AK9: variants seen among roughly 807,000 people sequenced by gnomAD.
The protein encoded by AK9 is adenylate kinase 9, also known as adenylate kinase domain containing 1.
AK9 carries 191 observed loss-of-function variants against 239.6 expected under a neutral mutation model. That is an observed-to-expected ratio of 0.80 (90% CI 0.71 to 0.90). The LOEUF is 0.90. AK9 is among the 40% of genes least tolerant of loss of function. AK9 has a pLI of 0.00. For missense variants in AK9, 1,995 were observed against 2,214.7 expected (o/e 0.90, Z 1.99); for synonymous variants, 689 against 721.0 (o/e 0.96, Z 0.71).
chr6:109,611,325 C>T (rs1318145936), intron 16 of AK9, among the ~76,000 whole-genome samples: 1 of 152,162 alleles, frequency 6.6e-6, no homozygotes, highest in Non-Finnish European at 1.5e-5. Flanking sequence ...AAGTCAAGAA[C>T]CCATGATCTT....
In AK9 at chr6:109,550,277, T is replaced by C. The variant is rs1246759157; in HGVS notation, c.2777A>G (p.Lys926Arg). The C allele has an allele frequency of 6.2e-6, 10 of 1,611,422 alleles. No individual in the cohort carries two copies. The highest frequency in any genetic ancestry group is 8.5e-6 in the Non-Finnish European group (10 of 1,179,954). Residue 926 changes from lysine to arginine, a missense_variant, in exon 25 of 41, where the codon AAG becomes AGG. Physicochemically the swap from Lys to Arg is conservative, Grantham distance 26. Coordinates refer to ENST00000424296, the MANE Select transcript of AK9 (RefSeq NM_001145128.3). ...EEGEDKMKER[K>R]RHLGDTKHFC... is the part of the protein sequence containing the mutation. ...GTGTTTTGTGTCTCCCAAATGCCTC[T>C]TTCTCTCCTTCATTTTATCTTCACC...
chr6:109,610,407 T>C lies in AK9; in HGVS notation c.1800A>G (p.Pro600=). The C allele has an allele frequency of 3.2e-6, 5 of 1,551,768 alleles. No individual in the cohort carries two copies. The highest frequency in any genetic ancestry group is 1.2e-5 in the South Asian group (1 of 84,056). The change falls in exon 17 of 41, where the codon CCA becomes CCG. Residue 600 remains proline, a synonymous_variant. Transcript: ENST00000424296. ...KMSQDINFEQ[P]YEKHAEILQE... is the part of the protein sequence containing the mutation. ...GTAAGATTTCAGCATGTTTTTCATA[T>C]GGCTGTTCAAAGTTTATATCCTGTG... is the stretch of plus-strand genomic sequence containing the variant.
Position 109,549,917 on chromosome 6 carries a change from G to A in AK9, c.2964+173C>T, listed in dbSNP as rs560876328. 2.5e-4 allele frequency: 145 copies of A among 572,182 alleles called. No individual in the cohort carries two copies. In the African/African-American group the frequency reaches 2.7e-3, roughly 11 times the overall value. The allele number at this position is 572,182 out of a possible 1,614,324, so 35.4% of individuals were successfully genotyped here. On this transcript the variant is annotated intron_variant, in intron 25 of 40. Coordinates refer to ENST00000424296, the MANE Select transcript of AK9 (RefSeq NM_001145128.3). ...CTGACCTCGTGATCCGCCCGTCTCG[G>A]CCTCCCAAAGTGCTGGGATTACAGG...
chr6:109,495,262 A>G, intron 39 of AK9, 76 bp downstream of exon 39: 2 of 1,190,496 alleles, frequency 1.7e-6, no homozygotes, highest in South Asian at 3.3e-5. Context: ...ATTGTTCCCA[A>G]AATGAAAATT....
In AK9 at chr6:109,525,438, T is replaced by A. The variant is rs189965043; in HGVS notation, c.3633+3573A>T. The stretch of plus-strand genomic sequence containing the variant: ...TACAACATAAGTCTAATATCCAGAA[T>A]CTATAAGGAACTTAAACAAATCAAC... On this transcript the variant is annotated intron_variant, in intron 29 of 40. Coordinates refer to ENST00000424296, the MANE Select transcript of AK9 (RefSeq NM_001145128.3). 2.6e-4 allele frequency among the ~76,000 whole-genome samples: 40 copies of A among 152,144 alleles called. No individual in the cohort carries two copies. The East Asian group carries it at 6.2e-3, about 24-fold the overall frequency.
intron 5 of AK9, among the ~76,000 whole-genome samples, chr6:109,669,192 T>C (rs953741579): frequency 8.0e-5 from 12 of 150,278 alleles, no homozygotes; most frequent in Middle Eastern, 6.8e-3. Context: ...ATTTGGCTGT[T>C]TGTTATTGGT....
chr6:109,652,849 C>G (rs1396944006), intron 8 of AK9, among the ~76,000 whole-genome samples: 2 of 152,082 alleles, frequency 1.3e-5, no homozygotes, highest in African/African-American at 4.8e-5. Context: ...TATATGCACA[C>G]ATATAAATGT....
At chr6:109,630,885 A>C (rs764564228) in intron 12 of AK9, among the ~76,000 whole-genome samples, 2 of 152,108 alleles carry the variant, frequency 1.3e-5, no homozygotes, top group Admixed American at 6.6e-5. Context: ...ACTGAGCCCC[A>C]AAAGAGACAC....
At chr6:109,600,016 T>C (rs1214835438) in intron 17 of AK9, among the ~76,000 whole-genome samples, 2 of 152,226 alleles carry the variant, frequency 1.3e-5, no homozygotes, top group African/African-American at 4.8e-5. Context: ...AATCATGTCA[T>C]CCACAAACAG....
At position 109,497,808 on chromosome 6, in the gene AK9, T is replaced by C. The variant is rs540758676; in HGVS notation, c.5204A>G (p.Asp1735Gly). Residue 1735 changes from aspartate to glycine, a missense_variant, in exon 37 of 41, where the codon GAT becomes GGT. Around this residue, in one of 5 missense-constraint regions of AK9, gnomAD observed 391 missense variants for 456.0 expected, o/e 0.86. Transcript: ENST00000424296. ...GGCCAGGACTTGCCTTTGGTTTCCA[T>C]CCTTATAGGTCACTGGACAGTAGCC... is the stretch of plus-strand genomic sequence containing the variant. ...LQGYCPVTYK[D>G]GNQRYEALVP... 6.2e-7 allele frequency: 1 copy of C among 1,612,880 alleles called. No individual in the cohort carries two copies. The highest frequency in any genetic ancestry group is 1.1e-5 in the South Asian group (1 of 91,034).
chr6:109,661,716 G>A (rs553633992), intron 6 of AK9, among the ~76,000 whole-genome samples: 10 of 152,120 alleles, frequency 6.6e-5, no homozygotes, highest in Non-Finnish European at 1.3e-4. Flanking sequence ...CACTCCACTG[G>A]GTCCCAGCAT....
intron 17 of AK9, among the ~76,000 whole-genome samples, chr6:109,608,049 A>C (rs181519323): frequency 6.6e-6 from 1 of 151,934 alleles, no homozygotes; most frequent in African/African-American, 2.4e-5. Context: ...GCCAAGGCAG[A>C]TAGATCACTT....
chr6:109,539,806 A>C (rs527673296), intron 27 of AK9, among the ~76,000 whole-genome samples: 8 of 152,174 alleles, frequency 5.3e-5, no homozygotes, highest in Non-Finnish European at 8.8e-5. Context: ...TCTGTTTGTT[A>C]GTTTTCCTTT....
intron 2 of AK9, among the ~76,000 whole-genome samples, chr6:109,674,496 A>G (rs1443838731): frequency 6.6e-6 from 1 of 152,212 alleles, no homozygotes; most frequent in African/African-American, 2.4e-5. Context: ...TTAAGTACAT[A>G]GCCCTAAAAT....
chr6:109,684,681 C>A (rs1045479672), intron 1 of AK9, among the ~76,000 whole-genome samples: 1 of 143,952 alleles, frequency 6.9e-6, no homozygotes, highest in African/African-American at 2.7e-5. Flanking sequence ...GAGACCATCC[C>A]GGCTAAAATG....
chr6:109,622,871 T>C (rs1457016607), intron 12 of AK9, among the ~76,000 whole-genome samples: 1 of 152,044 alleles, frequency 6.6e-6, no homozygotes, highest in Non-Finnish European at 1.5e-5. Context: ...GACTTTAGGT[T>C]TGCATATGTA....
chr6:109,645,893 G>A (rs542425458), intron 8 of AK9, among the ~76,000 whole-genome samples: 1 of 152,328 alleles, frequency 6.6e-6, no homozygotes, highest in African/African-American at 2.4e-5. Flanking sequence ...TTGCTGTTCT[G>A]CAATATTTGA....
intron 24 of AK9, 80 bp downstream of exon 24, chr6:109,563,517 A>G: frequency 6.6e-7 from 1 of 1,507,182 alleles, no homozygotes; most frequent in Non-Finnish European, 8.9e-7. Flanking sequence ...CTTGGGGTCC[A>G]AAAGTGATAG....
chr6:109,656,670 T>A (rs938483111), intron 8 of AK9, 86 bp downstream of exon 8: 1 of 1,385,324 alleles, frequency 7.2e-7, no homozygotes, highest in South Asian at 1.4e-5. Context: ...TAATAACACA[T>A]GGGGATGAAG....
Sources: allele counts gnomAD v4.1 joint callset (sites outside exome capture counted in the v4.1 genomes callset), GRCh38; gene constraint gnomAD v4.1.1; regional missense constraint gnomAD v4.1.1; transcripts MANE v1.5; gene names NCBI Gene and HGNC (gene_info 2026-07-23, HGNC 2026-07-21).